Variants in FTO observed in about 807,000 individuals in gnomAD.
FTO encodes alpha-ketoglutarate-dependent dioxygenase FTO.
In FTO, 47 loss-of-function variants were observed where a neutral mutation model predicts 63.9. That is an observed-to-expected ratio of 0.74 (90% CI 0.58 to 0.94). The LOEUF (loss-of-function observed/expected upper bound fraction) is 0.94. Among genes scored for constraint, FTO ranks in the 40% least tolerant of loss-of-function variants. The probability of loss-of-function intolerance (pLI) is 0.00; values close to 1 mark genes in which losing one functional copy is unlikely to be tolerated. For missense variants in FTO, 562 were observed against 618.1 expected (o/e 0.91, Z 0.96); for synonymous variants, 207 against 224.4 (o/e 0.92, Z 0.69).
At chr16:53,731,894 G>T (rs1225135754) in intron 1 of FTO, among the ~76,000 whole-genome samples, 1 of 148,090 alleles carries the variant, frequency 6.8e-6, no homozygotes, top group Non-Finnish European at 1.5e-5. Context: ...ACTACAGGCT[G>T]TTTGTACTTT....
upstream of FTO, chr16:53,703,981 C>T: frequency 1.5e-6 from 1 of 651,536 alleles, no homozygotes. Flanking sequence ...TTCCAGCTGT[C>T]GGACCTGGGA....
At chr16:54,030,102 G>A (rs2084795092) in intron 8 of FTO, among the ~76,000 whole-genome samples, 4 of 152,120 alleles carry the variant, frequency 2.6e-5, no homozygotes, top group African/African-American at 9.7e-5. Flanking sequence ...CCCATTTCGA[G>A]GTTCTCTCTT....
chr16:53,985,701 C>T (rs1331113175), intron 8 of FTO, among the ~76,000 whole-genome samples: 9 of 152,166 alleles, frequency 5.9e-5, no homozygotes, highest in Admixed American at 1.3e-4. Flanking sequence ...TTTTCAAATC[C>T]GCTGTCAGTT....
chr16:53,739,676 A>C (rs1461499200), intron 1 of FTO, among the ~76,000 whole-genome samples: 1 of 152,200 alleles, frequency 6.6e-6, no homozygotes, highest in Non-Finnish European at 1.5e-5. Context: ...AGTATGTTTG[A>C]TGTTGGAGAT....
intron 1 of FTO, among the ~76,000 whole-genome samples, chr16:53,806,557 G>T (rs946013481): frequency 3.9e-5 from 6 of 152,190 alleles, no homozygotes; most frequent in Admixed American, 6.5e-5. Context: ...CCTTGTTTTT[G>T]TTTACTGTTG....
intron 6 of FTO, among the ~76,000 whole-genome samples, chr16:53,880,789 T>C (rs534274238): frequency 3.4e-4 from 51 of 151,942 alleles, no homozygotes; most frequent in African/African-American, 1.2e-3. Context: ...CCTCGGATGT[T>C]AGGATTTCAA....
At chr16:53,917,698 A>G (rs751696545) in intron 7 of FTO, among the ~76,000 whole-genome samples, 62 of 142,154 alleles carry the variant, frequency 4.4e-4, no homozygotes, top group Admixed American at 1.2e-3. Context: ...GCCATACCAC[A>G]AAATTGAGTG....
intron 4 of FTO, among the ~76,000 whole-genome samples, chr16:53,858,994 A>G (rs917601190): frequency 6.6e-6 from 1 of 152,146 alleles, no homozygotes; most frequent in Non-Finnish European, 1.5e-5. Context: ...AAGATCTTTA[A>G]TCCACTTTAG....
chr16:53,786,895 A>G (rs1169136249), intron 1 of FTO, among the ~76,000 whole-genome samples: 1 of 151,860 alleles, frequency 6.6e-6, no homozygotes, highest in African/African-American at 2.4e-5. Flanking sequence ...GCAGATCATG[A>G]GGTCAATAGA....
chr16:54,069,329 A>G lies in FTO; in HGVS notation c.1365-42433A>G, dbSNP rs1190020051. On this transcript the variant is annotated intron_variant, in intron 8 of 8. Transcript: ENST00000471389. ...CCCCTGTGGAGTCAGTTGAGATGGC[A>G]GGGTATTTAAAAGAACCAGAGGTTT... Among the ~76,000 whole-genome samples, 178 of 152,312 alleles carry G rather than the reference A, an allele frequency of 1.2e-3. 2 individuals are homozygous for G. Among genetic ancestry groups the G allele is most frequent in the Non-Finnish European group, 4.4e-5 (3 of 68,022 alleles).
intron 1 of FTO, among the ~76,000 whole-genome samples, chr16:53,744,033 C>G (rs1408798641): frequency 6.6e-6 from 1 of 152,184 alleles, no homozygotes; most frequent in Non-Finnish European, 1.5e-5. Context: ...ATCATTTTCT[C>G]CAGTCGTCTT....
intron 1 of FTO, among the ~76,000 whole-genome samples, chr16:53,733,788 A>G (rs889326259): frequency 6.6e-6 from 1 of 152,248 alleles, no homozygotes. Context: ...AACACTCTTG[A>G]GTTATTATAA....
intron 8 of FTO, among the ~76,000 whole-genome samples, chr16:54,062,975 A>G (rs2085620949): frequency 6.6e-6 from 1 of 152,200 alleles, no homozygotes; most frequent in African/African-American, 2.4e-5. Flanking sequence ...GTGTGTGTGC[A>G]CACATGCGCC....
chr16:54,080,764 C>T (rs2086121278), intron 8 of FTO, among the ~76,000 whole-genome samples: 1 of 152,176 alleles, frequency 6.6e-6, no homozygotes, highest in Non-Finnish European at 1.5e-5. Flanking sequence ...TTCTCTTTAA[C>T]AAAACTCATG....
chr16:54,099,833 C>T (rs946925681), intron 8 of FTO, among the ~76,000 whole-genome samples: 8 of 152,180 alleles, frequency 5.3e-5, no homozygotes, highest in African/African-American at 1.9e-4. Context: ...AAGTCACCAG[C>T]TGCCTGCCTG....
At chr16:53,783,365 C>T (rs1252430559) in intron 1 of FTO, among the ~76,000 whole-genome samples, 4 of 152,092 alleles carry the variant, frequency 2.6e-5, no homozygotes, top group East Asian at 1.9e-4. Flanking sequence ...ATAATCCCAG[C>T]GCTTTGGGAG....
intron 6 of FTO, among the ~76,000 whole-genome samples, chr16:53,884,121 C>A (rs2080935105): frequency 6.6e-6 from 1 of 152,122 alleles, no homozygotes; most frequent in Non-Finnish European, 1.5e-5. Flanking sequence ...TTTTCCTTGT[C>A]TAGGATGGTT....
intron 1 of FTO, among the ~76,000 whole-genome samples, chr16:53,704,506 C>T (rs142767254): frequency 6.6e-6 from 1 of 152,308 alleles, no homozygotes; most frequent in Non-Finnish European, 1.5e-5. Context: ...AATTTGTCGC[C>T]ATCCCTGTGC....
chr16:54,074,909 AGAGAGAGAGTGTGT>A (rs1302227861), intron 8 of FTO, among the ~76,000 whole-genome samples: 1 of 115,572 alleles, frequency 8.7e-6, no homozygotes, highest in African/African-American at 3.4e-5. Flanking sequence ...AGAGAGAGAG[AGAGAGAGAGTGTGT>A]GTGTGTGTGT....
Sources: gnomAD v4.1 joint callset for allele counts (sites outside exome capture counted in the v4.1 genomes callset) on GRCh38, gnomAD v4.1.1 for gene constraint, MANE v1.5 for transcripts, NCBI Gene and HGNC (gene_info 2026-07-23, HGNC 2026-07-21) for gene names.